The following PDE5A variants were observed in gnomAD, a reference collection of about 807,000 sequenced individuals.
The protein encoded by PDE5A is cGMP-specific 3',5'-cyclic phosphodiesterase.
PDE5A carries 67 observed loss-of-function variants against 110.2 expected under a neutral mutation model. The observed-to-expected ratio is 0.61, with a 90% confidence interval of 0.50 to 0.75. PDE5A has a LOEUF of 0.75. Ranked by LOEUF, PDE5A falls within the 30% of genes least tolerant of loss-of-function variation. The pLI, the probability that PDE5A is intolerant of heterozygous loss-of-function variation, is 0.00. For synonymous variants in PDE5A, 328 were observed against 351.2 expected, an observed-to-expected ratio of 0.93 and a Z score of 0.74; for missense variants, 862 against 1,045.1, an observed-to-expected ratio of 0.82 and a Z score of 2.42.
rs1242878607 is a variant in PDE5A at position 119,505,843 on chromosome 4, A to T, written c.2267+12T>A. On this transcript the variant is annotated intron_variant, in intron 17 of 20. Coordinates refer to ENST00000354960, the MANE Select transcript of PDE5A (RefSeq NM_001083.4). ...AAAAAACTTCAGCTTTAAAGATAGT[A>T]AACCTACTTACAAAAACAACTCCTT... 6.8e-7 allele frequency: 1 copy of T among 1,480,596 alleles called. No individual in the cohort carries two copies. The highest frequency in any genetic ancestry group is 2.3e-5 in the East Asian group (1 of 42,836). The allele number at this position is 1,480,596 out of a possible 1,614,324, so 91.7% of individuals were successfully genotyped here.
At position 119,525,630 on chromosome 4, in the gene PDE5A, C is replaced by T; in HGVS notation, c.1698G>A (p.Leu566=). The part of the protein sequence containing the change: ...ITDFSFSDFE[L]SDLETALCTI... ...TACACAGTGCTGTTTCCAGATCAGA[C>T]AGCTCAAAGTCACTGAAGCTAAAGT... The change falls in exon 12 of 21, where the codon CTG becomes CTA. Residue 566 remains leucine (L), a synonymous_variant. Coordinates refer to ENST00000354960, the MANE Select transcript of PDE5A (RefSeq NM_001083.4). The surrounding 1 kb of genome is among the most constrained non-coding windows in gnomAD (Gnocchi z 4.3). 1.2e-6 allele frequency: 2 copies of T among 1,613,130 alleles called. No individual in the cohort carries two copies. The highest frequency in any genetic ancestry group is 1.7e-6 in the Non-Finnish European group (2 of 1,179,466).
chr4:119,599,712 TACACAC>T (rs3056797), intron 2 of PDE5A, among the ~76,000 whole-genome samples: 5,175 of 147,086 alleles, frequency 0.035, 131 homozygotes, highest in Admixed American at 0.091. Context: ...CAAGTGTGTA[TACACAC>T]ACACACACAC....
At chr4:119,570,071 C>CA (rs1400368688) in intron 3 of PDE5A, among the ~76,000 whole-genome samples, 2 of 151,960 alleles carry the variant, frequency 1.3e-5, no homozygotes, top group Admixed American at 6.6e-5. Flanking sequence ...TAAAAACAGA[C>CA]AAAAAATAGA....
At chr4:119,512,806 T>G (rs1725792391) in intron 14 of PDE5A, 1 of 152,106 alleles carries the variant, frequency 6.6e-6, no homozygotes, top group Non-Finnish European at 1.5e-5. Flanking sequence ...GATCTGTTCA[T>G]TTTAAGGTGC....
At chr4:119,568,230 G>A (rs1019478040) in intron 3 of PDE5A, among the ~76,000 whole-genome samples, 3 of 151,498 alleles carry the variant, frequency 2.0e-5, no homozygotes, top group Admixed American at 6.6e-5. Flanking sequence ...ATTTCCCTTA[G>A]AGCAACTCTC....
At chr4:119,555,812 T>C (rs1275096836) in intron 7 of PDE5A, among the ~76,000 whole-genome samples, 1 of 152,190 alleles carries the variant, frequency 6.6e-6, no homozygotes, top group Non-Finnish European at 1.5e-5. Context: ...TGATACCTTA[T>C]TTAACTCCTT....
intron 3 of PDE5A, among the ~76,000 whole-genome samples, chr4:119,587,540 C>A (rs893191035): frequency 6.6e-6 from 1 of 152,124 alleles, no homozygotes; most frequent in East Asian, 1.9e-4. Context: ...CCCGCCACCG[C>A]GCCCGGCTAA....
rs1410704048 is a variant in PDE5A at position 119,498,870 on chromosome 4, T to G, written c.2491-132A>C. ...CTCACTGTTGAAATTTTCACAAGCTTTGTGAGCACATACACAGATCATTTA... is the reference window on the plus strand; with the variant it reads ...CTCACTGTTGAAATTTTCACAAGCTGTGTGAGCACATACACAGATCATTTA... On this transcript the variant is annotated intron_variant, in intron 20 of 20. Transcript: ENST00000354960. 4.8e-6 allele frequency: 4 copies of G among 839,292 alleles called. No individual in the cohort carries two copies. The African/African-American group carries it at 6.8e-5, about 14-fold the overall frequency. The allele number at this position is 839,292 out of a possible 1,614,324, so 52.0% of individuals were successfully genotyped here.
chr4:119,576,180 C>A (rs1450151930), intron 3 of PDE5A, among the ~76,000 whole-genome samples: 1 of 152,108 alleles, frequency 6.6e-6, no homozygotes, highest in African/African-American at 2.4e-5. Flanking sequence ...CACCCAGATT[C>A]ATAAAGCAAG....
chr4:119,520,376 G>C (rs922203751), intron 13 of PDE5A, among the ~76,000 whole-genome samples: 11 of 152,100 alleles, frequency 7.2e-5, no homozygotes, highest in African/African-American at 2.7e-4. Flanking sequence ...ATTTGGCCTG[G>C]AAAGGAACGA....
At chr4:119,581,130 T>G (rs1728575259) in intron 3 of PDE5A, among the ~76,000 whole-genome samples, 1 of 152,234 alleles carries the variant, frequency 6.6e-6, no homozygotes, top group Non-Finnish European at 1.5e-5. Context: ...CCAATAAAGC[T>G]TCCTGATAAT....
At chr4:119,543,301 T>C (rs1016889010) in intron 9 of PDE5A, 1 of 152,112 alleles carries the variant, frequency 6.6e-6, no homozygotes, top group Non-Finnish European at 1.5e-5. Flanking sequence ...CTTAACTGGT[T>C]GTTCTATGAG....
At chr4:119,529,539 G>A (rs757860391) in intron 11 of PDE5A, among the ~76,000 whole-genome samples, 1 of 152,088 alleles carries the variant, frequency 6.6e-6, no homozygotes, top group Admixed American at 6.6e-5. Flanking sequence ...CATTATTTTG[G>A]GGGGACGTGA....
Position 119,567,090 on chromosome 4 carries a change from T to C in PDE5A, c.886A>G (p.Thr296Ala), listed in dbSNP as rs780782231. 3 of 1,613,108 alleles carry C rather than the reference T, an allele frequency of 1.9e-6. No homozygotes were observed. Among genetic ancestry groups the C allele is most frequent in the Non-Finnish European group, 2.5e-6 (3 of 1,179,160 alleles). Residue 296 changes from threonine to alanine, a missense_variant, in exon 4 of 21, where the codon ACT becomes GCT. Physicochemically the swap from Thr to Ala is moderately conservative, Grantham distance 58. Transcript: ENST00000354960. The part of the protein sequence containing the change: ...NKKSGNGGTF[T>A]EKDEKDFAAY... ...TTTGGTACCTTTTCATCTTTTTCAGTAAATGTCCCACCGTTTCCTGATTTC... is the reference window on the plus strand; with the variant it reads ...TTTGGTACCTTTTCATCTTTTTCAGCAAATGTCCCACCGTTTCCTGATTTC...
Position 119,607,141 on chromosome 4 carries a change from G to A in PDE5A, c.309C>T (p.Ala103=). The part of the protein sequence containing the change: ...APGTPTRKIS[A]SEFDRPLRPI... ...GTCTAAGAGGCCGGTCAAATTCAGA[G>A]GCAGAGATTTTCCTGGTTGGTGTTC... is the stretch of plus-strand genomic sequence containing the variant. Residue 103 remains alanine, a synonymous_variant, in exon 2 of 21, where the codon GCC becomes GCT. Coordinates refer to ENST00000354960, the MANE Select transcript of PDE5A (RefSeq NM_001083.4). 1 of 1,614,172 alleles carries A rather than the reference G, an allele frequency of 6.2e-7. No individual in the cohort carries two copies. The highest frequency in any genetic ancestry group is 1.1e-5 in the South Asian group (1 of 91,078).
chr4:119,589,109 G>C (rs1301094132), intron 3 of PDE5A, among the ~76,000 whole-genome samples: 3 of 151,944 alleles, frequency 2.0e-5, no homozygotes, highest in Non-Finnish European at 4.4e-5. Context: ...ATATCAGTAA[G>C]AAATTTTCAG....
rs200355871 is a variant in PDE5A at position 119,498,350 on chromosome 4, T to C, written c.*251A>G. On this transcript the variant is annotated 3_prime_UTR_variant, in exon 21 of 21. Transcript: ENST00000354960. ...GTACACGAAATATCACAAACAATGCTTTTATCAATGTGCTAACAGTGGATG... is the reference window on the plus strand; with the variant it reads ...GTACACGAAATATCACAAACAATGCCTTTATCAATGTGCTAACAGTGGATG... 2.5e-6 allele frequency: 1 copy of C among 404,346 alleles called. No homozygotes were observed. The highest frequency in any genetic ancestry group is 4.5e-6 in the Non-Finnish European group (1 of 223,930). The allele number at this position is 404,346 out of a possible 1,614,324, so 25.0% of individuals were successfully genotyped here.
intron 11 of PDE5A, among the ~76,000 whole-genome samples, chr4:119,537,605 A>G (rs1016271336): frequency 1.3e-5 from 2 of 151,710 alleles, no homozygotes; most frequent in Admixed American, 6.6e-5. Flanking sequence ...CAGTCTCTCT[A>G]CCTCTCTGCA....
intron 3 of PDE5A, among the ~76,000 whole-genome samples, chr4:119,590,184 T>C (rs1483988961): frequency 6.6e-6 from 1 of 152,220 alleles, no homozygotes. Flanking sequence ...TAGGTAGGAA[T>C]AAGATAATGG....
Sources: allele counts gnomAD v4.1 joint callset (sites outside exome capture counted in the v4.1 genomes callset), GRCh38; gene constraint gnomAD v4.1.1; non-coding constraint Gnocchi (gnomAD v3.1); transcripts MANE v1.5; gene names NCBI Gene and HGNC (gene_info 2026-07-23, HGNC 2026-07-21).